Variants in ANXA5 observed in about 807,000 individuals in gnomAD.
ANXA5 encodes the protein CBP-I.
Under a neutral mutation model 48.1 loss-of-function variants are expected in ANXA5, and 40 were observed. The observed-to-expected ratio is 0.83, with a 90% CI of 0.65 to 1.08. The LOEUF is 1.08. Ranked by LOEUF, ANXA5 falls within the 50% of genes least tolerant of loss-of-function variation. The pLI, the probability that ANXA5 is intolerant of heterozygous loss-of-function variation, is 0.00. For synonymous variants in ANXA5, 113 were observed against 129.1 expected, an observed-to-expected ratio of 0.88 and a Z score of 0.85; for missense variants, 357 against 376.8, an observed-to-expected ratio of 0.95 and a Z score of 0.44.
rs1424258749 is a variant in ANXA5, at chr4:121,668,443, G to A, written c.*25C>T. The stretch of plus-strand genomic sequence containing the variant: ...GGCAGTGGGGTGGTGCAGGCACACA[G>A]CAGGGAGCTCTTCCCCGTGACACGT... On this transcript the variant is annotated 3_prime_UTR_variant, in exon 13 of 13. Transcript: ENST00000296511. 3 of 1,611,346 alleles carry A rather than the reference G, an allele frequency of 1.9e-6. No homozygotes were observed. The highest frequency in any genetic ancestry group is 2.5e-6 in the Non-Finnish European group (3 of 1,177,720).
intron 5 of ANXA5, among the ~76,000 whole-genome samples, chr4:121,682,687 A>T (rs1724813130): frequency 6.6e-6 from 1 of 152,176 alleles, no homozygotes; most frequent in Non-Finnish European, 1.5e-5. Context: ...CCACTCCATC[A>T]GTAAGAATCC....
At position 121,670,052 on chromosome 4, in the gene ANXA5, A is replaced by G. The variant is rs768166486; in HGVS notation, c.722-40T>C. 2.8e-6 allele frequency: 4 copies of G among 1,420,680 alleles called. No homozygotes were observed. The South Asian group carries it at 3.7e-5, about 13-fold the overall frequency. 88.0% of individuals were successfully genotyped at this position (1,420,680 alleles called of 1,614,324 possible). On this transcript the variant is annotated intron_variant, in intron 10 of 12. Transcript: ENST00000296511. ...AATACAATGGTCAAATGCTATTTTG[A>G]TATGTAAAGGATTAAGTAATTAAAA...
chr4:121,689,312 T>C (rs1724942296), intron 2 of ANXA5, among the ~76,000 whole-genome samples: 1 of 152,234 alleles, frequency 6.6e-6, no homozygotes, highest in African/African-American at 2.4e-5. Context: ...GTCTTTTTAC[T>C]CATTGACTCA....
intron 2 of ANXA5, among the ~76,000 whole-genome samples, chr4:121,687,652 C>G (rs114234244): frequency 0.01 from 1,530 of 152,290 alleles, 24 homozygotes; most frequent in African/African-American, 0.035. Context: ...AAGATGACAA[C>G]AGAGAGAGAT....
chr4:121,681,572 C>T, intron 6 of ANXA5, 99 bp downstream of exon 6: 2 of 665,036 alleles, frequency 3.0e-6, no homozygotes, highest in Non-Finnish European at 5.2e-6. Flanking sequence ...CCATCATTTA[C>T]TGCGTGCCTC....
rs372194066 is a variant in ANXA5, at chr4:121,678,481, G to A, written c.408C>T (p.Ser136=). The change falls in exon 7 of 13, where the codon AGC becomes AGT. Residue 136 remains serine, a synonymous_variant. Coordinates refer to ENST00000296511, the MANE Select transcript of ANXA5 (RefSeq NM_001154.4). The part of the protein sequence containing the change: ...KQVYEEEYGS[S]LEDDVVGDTS... ...TGTCCCCCACCACGTCATCTTCCAG[G>A]CTTGAGCCATATTCTGCAACAAAAT... 3.3e-5 allele frequency: 54 copies of A among 1,613,266 alleles called. No individual in the cohort carries two copies. The highest frequency in any genetic ancestry group is 4.6e-5 in the Non-Finnish European group (54 of 1,179,688).
chr4:121,687,572 A>G (rs946388926), intron 2 of ANXA5, among the ~76,000 whole-genome samples: 12 of 152,216 alleles, frequency 7.9e-5, no homozygotes, highest in African/African-American at 2.7e-4. Flanking sequence ...AAAAGGAGGA[A>G]AGTTTCTTTT....
chr4:121,690,422 G>C (rs1370127537), intron 2 of ANXA5, among the ~76,000 whole-genome samples: 2 of 152,198 alleles, frequency 1.3e-5, no homozygotes, highest in Non-Finnish European at 2.9e-5. Flanking sequence ...AGTCAAGGAA[G>C]AGCTAAGAGT....
chr4:121,672,687 A>G, intron 8 of ANXA5, 61 bp from the exon 9 acceptor site: 2 of 1,257,500 alleles, frequency 1.6e-6, no homozygotes, highest in South Asian at 2.4e-5. Context: ...AGGTTCTTAA[A>G]CACACTTGTT....
chr4:121,678,045 T>C (rs1724726268), intron 7 of ANXA5, 95 bp from the exon 8 acceptor site: 2 of 916,014 alleles, frequency 2.2e-6, no homozygotes, highest in Admixed American at 3.6e-5. Context: ...TAACACTCTT[T>C]CTCTAGGAAT....
At chr4:121,693,769 G>C (rs189257255) in intron 2 of ANXA5, among the ~76,000 whole-genome samples, 1 of 152,156 alleles carries the variant, frequency 6.6e-6, no homozygotes, top group Admixed American at 6.5e-5. Flanking sequence ...CACAGGCCAC[G>C]GGTAAACAGG....
At chr4:121,672,741 T>C in intron 8 of ANXA5, 115 bp from the exon 9 acceptor site, 1 of 732,716 alleles carries the variant, frequency 1.4e-6, no homozygotes, top group Non-Finnish European at 2.3e-6. Context: ...TCATCTTGTA[T>C]TAATAGTTTT....
chr4:121,691,380 C>A (rs1190530941), intron 2 of ANXA5, among the ~76,000 whole-genome samples: 1 of 151,820 alleles, frequency 6.6e-6, no homozygotes, highest in Non-Finnish European at 1.5e-5. Flanking sequence ...CTTTTCTAGA[C>A]ACAGAACTTA....
At chr4:121,671,106 C>A (rs943589328) in intron 10 of ANXA5, among the ~76,000 whole-genome samples, 13 of 152,296 alleles carry the variant, frequency 8.5e-5, no homozygotes, top group African/African-American at 2.6e-4. Context: ...AAACAACCAT[C>A]ATCACATCTT....
intron 2 of ANXA5, among the ~76,000 whole-genome samples, chr4:121,693,265 T>C (rs72676899): frequency 0.032 from 4,849 of 150,328 alleles, 114 homozygotes; most frequent in Non-Finnish European, 0.049. Context: ...AAAAAACTAG[T>C]GTCCAAAGAA....
chr4:121,671,399 G>A, intron 10 of ANXA5, 148 bp downstream of exon 10: 1 of 582,510 alleles, frequency 1.7e-6, no homozygotes, highest in Non-Finnish European at 3.1e-6. Context: ...ATAAATTTCT[G>A]AATTGGAAAT....
chr4:121,695,363 C>T (rs1725061454), intron 2 of ANXA5, among the ~76,000 whole-genome samples: 1 of 152,040 alleles, frequency 6.6e-6, no homozygotes, highest in African/African-American at 2.4e-5. Flanking sequence ...TGGAAAGGAC[C>T]AAGAAACCTT....
intron 8 of ANXA5, among the ~76,000 whole-genome samples, chr4:121,677,624 G>A (rs1294845055): frequency 6.6e-6 from 1 of 151,900 alleles, no homozygotes; most frequent in African/African-American, 2.4e-5. Context: ...TCTCTATTTT[G>A]TGAATGTTCA....
chr4:121,687,104 G>A (rs547840441), intron 2 of ANXA5, among the ~76,000 whole-genome samples: 14 of 152,118 alleles, frequency 9.2e-5, no homozygotes, highest in Non-Finnish European at 1.5e-4. Flanking sequence ...CAGGAGATCC[G>A]AGACCATCCT....
Sources: allele counts gnomAD v4.1 joint callset (sites outside exome capture counted in the v4.1 genomes callset), GRCh38; gene constraint gnomAD v4.1.1; transcripts MANE v1.5; gene names NCBI Gene and HGNC (gene_info 2026-07-23, HGNC 2026-07-21).